The following STAB2 variants were observed in gnomAD, a reference collection of about 807,000 sequenced individuals.
The protein encoded by STAB2 is stabilin 2, also known as stabilin-2.
STAB2 carries 288 observed loss-of-function variants against 338.1 expected under a neutral mutation model. The ratio of observed to expected loss-of-function variants is 0.85; its 90% CI spans 0.77 to 0.94. The LOEUF (loss-of-function observed/expected upper bound fraction) is 0.94, where lower values mean the gene tolerates loss of function less well. STAB2 is among the 40% of genes least tolerant of loss of function. The pLI is 0.00. For missense variants in STAB2, 3,141 were observed against 3,210.1 expected (o/e 0.98, Z 0.52); for synonymous variants, 1,202 against 1,193.3 (o/e 1.01, Z -0.15).
At chr12:103,702,009 CACACACA>C (rs1259138222) in intron 34 of STAB2, among the ~76,000 whole-genome samples, 1 of 145,352 alleles carries the variant, frequency 6.9e-6, no homozygotes, top group African/African-American at 2.6e-5. Context: ...CACACACACA[CACACACA>C]CACACACCCC....
rs568378006 is a variant in STAB2, at chr12:103,597,861, T to G, written c.331+3351T>G. 3.9e-5 allele frequency among the ~76,000 whole-genome samples: 6 copies of G among 152,212 alleles called. No homozygotes were observed. The East Asian group carries it at 9.6e-4, about 24-fold the overall frequency. On this transcript the variant is annotated intron_variant, in intron 3 of 68. Transcript: ENST00000388887. ...TGGAAAATGAACATGTGCAAAGGAG[T>G]TACACCCAAACTCAGTTGTAGACAA...
chr12:103,595,813 A>G (rs765065647), intron 3 of STAB2, among the ~76,000 whole-genome samples: 8 of 152,144 alleles, frequency 5.3e-5, no homozygotes, highest in Admixed American at 6.6e-5. Context: ...ACCAAAGCCT[A>G]CCTCTTTCTG....
chr12:103,747,299 G>C (rs1480994425), intron 58 of STAB2, among the ~76,000 whole-genome samples: 1 of 152,142 alleles, frequency 6.6e-6, no homozygotes, highest in East Asian at 1.9e-4. Flanking sequence ...GCCATACAGA[G>C]GCCCAAATGA....
rs1040684606 is a variant in STAB2 at position 103,603,163 on chromosome 12, C to T, written c.331+8653C>T. Among the ~76,000 whole-genome samples the T allele has an allele frequency of 5.3e-5, 8 of 152,216 alleles. No homozygotes were observed. In the South Asian group the frequency reaches 1.0e-3, roughly 20 times the overall value. On this transcript the variant is annotated intron_variant, in intron 3 of 68. Coordinates refer to ENST00000388887, the MANE Select transcript of STAB2 (RefSeq NM_017564.10). Reference sequence around the variant, plus strand: ...TCGGCTCACTGCAAGCTCTGCCTCCCGGGTTCACACCATTCTCCTGTCTCA... The same window carrying T: ...TCGGCTCACTGCAAGCTCTGCCTCCTGGGTTCACACCATTCTCCTGTCTCA...
chr12:103,693,874 T>G (rs1475165034), intron 31 of STAB2, among the ~76,000 whole-genome samples: 1 of 151,970 alleles, frequency 6.6e-6, no homozygotes, highest in Admixed American at 6.6e-5. Context: ...TGTTCTCAGT[T>G]GGGCACGGTG....
At chr12:103,698,305 A>G (rs927671497) in intron 33 of STAB2, among the ~76,000 whole-genome samples, 38 of 152,270 alleles carry the variant, frequency 2.5e-4, no homozygotes, top group African/African-American at 8.9e-4. Context: ...CCTTCCCCAC[A>G]GGATGTTTCT....
At chr12:103,607,363 C>G (rs1018572097) in intron 3 of STAB2, among the ~76,000 whole-genome samples, 3 of 147,568 alleles carry the variant, frequency 2.0e-5, no homozygotes, top group Non-Finnish European at 3.0e-5. Flanking sequence ...CTCCATGCTT[C>G]ATTTTGGTTT....
chr12:103,711,707 C>T (rs998335146), intron 40 of STAB2, among the ~76,000 whole-genome samples, 191 bp downstream of exon 40: 6 of 152,200 alleles, frequency 3.9e-5, no homozygotes, highest in Admixed American at 1.3e-4. Flanking sequence ...GGCTTTCTAA[C>T]AAGCTGCCAT....
At chr12:103,741,191 A>G (rs17034446) in intron 55 of STAB2, among the ~76,000 whole-genome samples, 2,654 of 152,250 alleles carry the variant, frequency 0.017, 66 homozygotes, top group East Asian at 0.073. Flanking sequence ...GAGGATGTAT[A>G]GCATTGGCTC....
chr12:103,711,002 C>A (rs1056570272), intron 39 of STAB2, among the ~76,000 whole-genome samples: 1 of 151,974 alleles, frequency 6.6e-6, no homozygotes, highest in Admixed American at 6.6e-5. Flanking sequence ...ATTTTCTGCA[C>A]ATGCAAAAAA....
intron 3 of STAB2, among the ~76,000 whole-genome samples, chr12:103,614,154 T>C (rs188220940): frequency 1.2e-4 from 18 of 152,334 alleles, no homozygotes; most frequent in African/African-American, 4.3e-4. Context: ...GTAAGTTTTA[T>C]TGAATTCAGA....
chr12:103,729,574 A>G (rs754316346), intron 48 of STAB2, among the ~76,000 whole-genome samples: 11 of 152,334 alleles, frequency 7.2e-5, no homozygotes, highest in Middle Eastern at 6.8e-3. Context: ...GAGCTCAGAA[A>G]GGTTAAGTAA....
chr12:103,740,571 C>G, intron 54 of STAB2, 59 bp from the exon 55 acceptor site: 1 of 1,576,776 alleles, frequency 6.3e-7, no homozygotes, highest in Non-Finnish European at 8.6e-7. Flanking sequence ...CAGACTAGAG[C>G]CCCAGAGCCC....
At chr12:103,757,626 G>A (rs569114571) in intron 63 of STAB2, among the ~76,000 whole-genome samples, 2 of 152,316 alleles carry the variant, frequency 1.3e-5, no homozygotes, top group Non-Finnish European at 2.9e-5. Context: ...ACAGGGGAGA[G>A]GGAGTGAGCC....
intron 38 of STAB2, 115 bp from the exon 39 acceptor site, chr12:103,708,326 G>A (rs1242554507): frequency 1.9e-6 from 2 of 1,028,572 alleles, no homozygotes; most frequent in African/African-American, 1.6e-5. Context: ...TAAAGACTAT[G>A]ATTCCTAGAA....
At chr12:103,597,077 T>C (rs955704481) in intron 3 of STAB2, among the ~76,000 whole-genome samples, 1 of 151,786 alleles carries the variant, frequency 6.6e-6, no homozygotes, top group African/African-American at 2.4e-5. Flanking sequence ...ACATTATTTC[T>C]ACTGTCCTTT....
intron 55 of STAB2, among the ~76,000 whole-genome samples, chr12:103,741,897 T>C (rs550748482): frequency 6.6e-6 from 1 of 152,344 alleles, no homozygotes; most frequent in South Asian, 2.1e-4. Flanking sequence ...GAGAATACTC[T>C]GGGTTGAGAG....
At chr12:103,648,958 T>C (rs697199) in intron 10 of STAB2, 135 bp downstream of exon 10, 876,818 of 1,201,418 alleles carry the variant, frequency 0.73, 324,870 homozygotes, top group Non-Finnish European at 0.77. Context: ...GTCATGCAGG[T>C]GAGAGGGAAA....
At position 103,750,581 on chromosome 12, in the gene STAB2, C is replaced by A; in HGVS notation, c.6441C>A (p.Gly2147=). 6 of 1,614,116 alleles carry A rather than the reference C, an allele frequency of 3.7e-6. No homozygotes were observed. The highest frequency in any genetic ancestry group is 1.7e-5 in the Admixed American group (1 of 60,026). The change falls in exon 60 of 69, where the codon GGC becomes GGA. Residue 2147 remains glycine, a splice_region_variant and synonymous_variant. Coordinates refer to ENST00000388887, the MANE Select transcript of STAB2 (RefSeq NM_017564.10). ...CTCTTCCCACTCTCCCTCCACAGGG[C>A]AAGCACAAGTGTGAGTGTAAAAGTC... ...EHATCKMTGP[G]KHKCECKSHY... is the part of the protein sequence containing the mutation.
Sources: gnomAD v4.1 joint callset for allele counts (sites outside exome capture counted in the v4.1 genomes callset) on GRCh38, gnomAD v4.1.1 for gene constraint, MANE v1.5 for transcripts, NCBI Gene and HGNC (gene_info 2026-07-23, HGNC 2026-07-21) for gene names.